Variants in SELP observed in about 807,000 individuals in gnomAD.
SELP encodes the protein selectin P.
A neutral mutation model predicts 104.1 loss-of-function variants in SELP; 92 were observed. The ratio of observed to expected loss-of-function variants is 0.88; its 90% CI spans 0.75 to 1.05. The LOEUF (loss-of-function observed/expected upper bound fraction) is 1.05. Among genes scored for constraint, SELP ranks in the 50% least tolerant of loss-of-function variants. The pLI, the probability that SELP is intolerant of heterozygous loss-of-function variation, is 0.00. For missense variants in SELP, 1,022 were observed against 1,017.3 expected (o/e 1.00, Z -0.06); for synonymous variants, 397 against 364.5 (o/e 1.09, Z -1.01).
At chr1:169,614,581 G>C (rs1662717709) in intron 3 of SELP, among the ~76,000 whole-genome samples, 1 of 152,154 alleles carries the variant, frequency 6.6e-6, no homozygotes, top group Admixed American at 6.5e-5. Context: ...GTTTTCTGGT[G>C]GTTACTTCCT....
At chr1:169,605,649 C>T (rs2223303) in intron 9 of SELP, among the ~76,000 whole-genome samples, 50,205 of 151,942 alleles carry the variant, frequency 0.33, 10,825 homozygotes, top group East Asian at 0.96. Flanking sequence ...TAGTCTTTTA[C>T]CCATTCAACT....
At position 169,611,642 on chromosome 1, in the gene SELP, C is replaced by A; in HGVS notation, c.997G>T (p.Gly333Ter). ...AGCGGATGAACACAGTCCATGGTTC[C>A]TTCACTGGGGGCTTCCAGGTGCTGA... ...QCQHLEAPSEGTMDCVHPLTA... is the reference protein window; with the variant it reads ...QCQHLEAPSE The change falls in exon 7 of 17, where the codon GGA (glycine) becomes TGA (stop). Residue 333 changes from glycine to a stop codon, truncating the protein, a stop_gained. Coordinates refer to ENST00000263686, the MANE Select transcript of SELP (RefSeq NM_003005.4). LOFTEE classifies it high-confidence loss of function. The A allele has an allele frequency of 1.9e-6, 3 of 1,614,084 alleles. No individual in the cohort carries two copies. The highest frequency in any genetic ancestry group is 2.5e-6 in the Non-Finnish European group (3 of 1,180,008).
At chr1:169,621,376 T>A (rs1663126058) in intron 1 of SELP, among the ~76,000 whole-genome samples, 1 of 144,182 alleles carries the variant, frequency 6.9e-6, no homozygotes, top group Non-Finnish European at 1.5e-5. Context: ...TGTGTGTATG[T>A]GTGTGTCACA....
intron 3 of SELP, 78 bp from the exon 4 acceptor site, chr1:169,613,771 A>G (rs984971096): frequency 1.7e-6 from 2 of 1,179,800 alleles, no homozygotes; most frequent in African/African-American, 3.0e-5. Context: ...TTGACCACAG[A>G]CTCATCCCCT....
intron 13 of SELP, 44 bp from the exon 14 acceptor site, chr1:169,593,768 T>TA: frequency 6.2e-7 from 1 of 1,602,452 alleles, no homozygotes; most frequent in East Asian, 2.2e-5. Flanking sequence ...AGAAGTGTAT[T>TA]ATGCAAAAGA....
intron 3 of SELP, among the ~76,000 whole-genome samples, chr1:169,614,766 C>T (rs991284044): frequency 6.6e-6 from 1 of 152,092 alleles, no homozygotes; most frequent in African/African-American, 2.4e-5. Context: ...CTGTGGCAGC[C>T]AGTGAATTTG....
In SELP at chr1:169,589,407, C is replaced by G. The variant is rs1206707280; in HGVS notation, c.*56G>C. ...TCCAGAGCGGGTCCAACAGGCTGGT[C>G]CAGAGCTAATCTAAGGTAATTCCAT... On this transcript the variant is annotated 3_prime_UTR_variant, in exon 17 of 17. Transcript: ENST00000263686. 1 of 152,078 alleles carries G rather than the reference C, an allele frequency of 6.6e-6. No individual in the cohort carries two copies. The highest frequency in any genetic ancestry group is 1.5e-5 in the Non-Finnish European group (1 of 68,050). The allele number at this position is 152,078 out of a possible 1,614,324, so 9.4% of individuals were successfully genotyped here.
At chr1:169,608,654 A>G (rs1385775502) in intron 8 of SELP, among the ~76,000 whole-genome samples, 1 of 152,094 alleles carries the variant, frequency 6.6e-6, no homozygotes, top group African/African-American at 2.4e-5. Context: ...AACTGTTGTG[A>G]TTAATAGTGC....
Position 169,618,035 on chromosome 1 carries a change from G to A in SELP, c.95-621C>T, listed in dbSNP as rs73039406. Among the ~76,000 whole-genome samples the A allele has an allele frequency of 7.1e-3, 1,079 of 152,270 alleles. 14 individuals are homozygous for A. Among genetic ancestry groups the A allele is most frequent in the African/African-American group, 0.024 (1,006 of 41,550 alleles). The stretch of plus-strand genomic sequence containing the variant: ...GTGTTCCTTCCTCCAGGCTCCCACA[G>A]CACCTCATCCCTGCCTCCATTGTGC... On this transcript the variant is annotated intron_variant, in intron 2 of 16. Coordinates refer to ENST00000263686, the MANE Select transcript of SELP (RefSeq NM_003005.4).
intron 9 of SELP, among the ~76,000 whole-genome samples, chr1:169,606,094 A>G (rs903620380): frequency 6.6e-6 from 1 of 152,204 alleles, no homozygotes; most frequent in Non-Finnish European, 1.5e-5. Flanking sequence ...AGTCAGGCAG[A>G]TCACCTGAGG....
intron 3 of SELP, among the ~76,000 whole-genome samples, chr1:169,614,492 A>C (rs1468568658): frequency 6.6e-6 from 1 of 152,210 alleles, no homozygotes; most frequent in African/African-American, 2.4e-5. Context: ...GAGAATTAGT[A>C]TTAGAATTGA....
intron 9 of SELP, among the ~76,000 whole-genome samples, chr1:169,604,635 A>G (rs1185346989): frequency 6.6e-6 from 1 of 152,104 alleles, no homozygotes; most frequent in Admixed American, 6.5e-5. Flanking sequence ...ATTCCTTTCA[A>G]TCTGATCAAC....
intron 5 of SELP, 90 bp from the exon 6 acceptor site, chr1:169,612,492 T>C (rs1662592995): frequency 7.9e-7 from 1 of 1,266,906 alleles, no homozygotes; most frequent in Middle Eastern, 2.0e-4. Flanking sequence ...CAGTCACACC[T>C]TCCCAAAGTG....
chr1:169,617,173 G>T lies in SELP; in HGVS notation c.336C>A (p.Asn112Lys). 1 of 1,613,972 alleles carries T rather than the reference G, an allele frequency of 6.2e-7. No individual in the cohort carries two copies. The change falls in exon 3 of 17, where the codon AAC (asparagine) becomes AAA (lysine). Residue 112 changes from asparagine to lysine, a missense_variant. Physicochemically the swap from Asn to Lys is moderately conservative, Grantham distance 94. Coordinates refer to ENST00000263686, the MANE Select transcript of SELP (RefSeq NM_003005.4). ...CATTATCAGCCCAGTTCTCAGCCTCGTTGGTGAGAGCCTTTTTGGTTCCCA... is the reference window on the plus strand; with the variant it reads ...CATTATCAGCCCAGTTCTCAGCCTCTTTGGTGAGAGCCTTTTTGGTTCCCA... Reference protein sequence around the residue: ...TWVGTKKALTNEAENWADNEP... With the variant: ...TWVGTKKALTKEAENWADNEP...
intron 13 of SELP, 102 bp from the exon 14 acceptor site, chr1:169,593,826 TC>T (rs1661465570): frequency 8.5e-7 from 1 of 1,170,856 alleles, no homozygotes; most frequent in Non-Finnish European, 1.2e-6. Context: ...AGATGTGCGA[TC>T]AAGTAGGATC....
Position 169,610,791 on chromosome 1 carries a change from CAAACAAACA to C in SELP, c.1147+692_1147+700del, listed in dbSNP as rs969539738. On this transcript the variant is annotated intron_variant, in intron 7 of 16. Coordinates refer to ENST00000263686, the MANE Select transcript of SELP (RefSeq NM_003005.4). ...GAGACTCTGTCTCAAAACAAACAAA[CAAACAAACA>C]AACAAACAAACAAACAAAAACACCA... 2.3e-4 allele frequency among the ~76,000 whole-genome samples: 19 copies of C among 82,728 alleles called. 1 individual carries two copies. The highest frequency in any genetic ancestry group is 1.6e-3 in the African/African-American group (18 of 11,038). 54.3% of individuals were successfully genotyped at this position (82,728 alleles called of 152,430 possible).
At chr1:169,597,877 T>G (rs1183292080) in intron 10 of SELP, among the ~76,000 whole-genome samples, 1 of 152,152 alleles carries the variant, frequency 6.6e-6, no homozygotes, top group Admixed American at 6.5e-5. Context: ...TCCTCCAGGA[T>G]TTAACTCGTA....
Position 169,620,753 on chromosome 1 carries a change from C to A in SELP, c.4-1534G>T, listed in dbSNP as rs371264905. Among the ~76,000 whole-genome samples the A allele has an allele frequency of 3.0e-3, 440 of 148,944 alleles. 2 individuals carry two copies. Among genetic ancestry groups the A allele is most frequent in the African/African-American group, 0.01 (419 of 40,174 alleles). ...GTTGTGTGTATGTTCGTGTGTCATGCCCCAGTGATGGATGATGTAGGGTGC... is the reference window on the plus strand; with the variant it reads ...GTTGTGTGTATGTTCGTGTGTCATGACCCAGTGATGGATGATGTAGGGTGC... On this transcript the variant is annotated intron_variant, in intron 1 of 16. Coordinates refer to ENST00000263686, the MANE Select transcript of SELP (RefSeq NM_003005.4).
At position 169,603,125 on chromosome 1, in the gene SELP, A is replaced by G; in HGVS notation, c.1606T>C (p.Cys536Arg). Residue 536 changes from cysteine to arginine, a missense_variant, in exon 10 of 17, where the codon TGT (cysteine) becomes CGT (arginine). By Grantham distance (180) the Cys-to-Arg change is radical. Transcript: ENST00000263686. ...PLGSSSYKSTCQFICDEGYSL... is the reference protein window; with the variant it reads ...PLGSSSYKSTRQFICDEGYSL... ...TATCCCTCGTCACAGATGAATTGAC[A>G]TGTGGATTTATAACTGGAACTTCCA... 3 of 1,614,080 alleles carry G rather than the reference A, an allele frequency of 1.9e-6. No individual in the cohort carries two copies. The highest frequency in any genetic ancestry group is 1.7e-6 in the Non-Finnish European group (2 of 1,179,972).
Sources: allele counts gnomAD v4.1 joint callset (sites outside exome capture counted in the v4.1 genomes callset), GRCh38; gene constraint gnomAD v4.1.1; transcripts MANE v1.5; gene names NCBI Gene and HGNC (gene_info 2026-07-23, HGNC 2026-07-21).